LRRTM4: variants seen among roughly 807,000 people sequenced by gnomAD.
The protein encoded by LRRTM4 is leucine rich repeat transmembrane neuronal 4, also known as leucine-rich repeat transmembrane neuronal protein 4.
LRRTM4 carries 25 observed loss-of-function variants against 47.6 expected under a neutral mutation model. The observed-to-expected ratio is 0.53, with a 90% CI of 0.38 to 0.73. The LOEUF (loss-of-function observed/expected upper bound fraction) is 0.73, where lower values mean the gene tolerates loss of function less well. Ranked by LOEUF, LRRTM4 falls within the 30% of genes least tolerant of loss-of-function variation. The pLI, the probability that LRRTM4 is intolerant of heterozygous loss-of-function variation, is 0.00. For synonymous variants in LRRTM4, 311 were observed against 269.5 expected (o/e 1.15, Z -1.51); for missense variants, 638 against 713.4 (o/e 0.89, Z 1.20).
chr2:77,491,224 A>T (rs1678149712), intron 3 of LRRTM4, among the ~76,000 whole-genome samples: 1 of 152,150 alleles, frequency 6.6e-6, no homozygotes, highest in East Asian at 1.9e-4. Flanking sequence ...AACTTTTTAA[A>T]TGATTGCCTG....
chr2:77,129,977 T>C (rs1671753565), intron 3 of LRRTM4, among the ~76,000 whole-genome samples: 2 of 152,338 alleles, frequency 1.3e-5, no homozygotes, highest in African/African-American at 4.8e-5. Context: ...ATTTTTTTCT[T>C]GAGTAACTTT....
At chr2:76,874,510 G>A (rs1482194875) in intron 3 of LRRTM4, among the ~76,000 whole-genome samples, 1 of 151,910 alleles carries the variant, frequency 6.6e-6, no homozygotes, top group African/African-American at 2.4e-5. Flanking sequence ...ATGCTTTAAT[G>A]AAATTATGAG....
At chr2:77,200,860 T>C (rs1673954090) in intron 3 of LRRTM4, among the ~76,000 whole-genome samples, 1 of 152,108 alleles carries the variant, frequency 6.6e-6, no homozygotes, top group Non-Finnish European at 1.5e-5. Flanking sequence ...CTAAGTAATT[T>C]ATGACTTACC....
intron 3 of LRRTM4, among the ~76,000 whole-genome samples, chr2:76,980,998 T>C (rs771292261): frequency 6.6e-6 from 1 of 152,132 alleles, no homozygotes; most frequent in Admixed American, 6.6e-5. Context: ...TTTAATTTCC[T>C]TGGGGCAAAG....
chr2:77,521,637 G>A (rs752371311), intron 2 of LRRTM4, 31 bp downstream of exon 2: 15 of 1,611,984 alleles, frequency 9.3e-6, no homozygotes, highest in Non-Finnish European at 9.3e-6. Context: ...GATCAGCTTT[G>A]CTCAGAAGGA....
At chr2:77,396,881 T>G (rs974218372) in intron 3 of LRRTM4, among the ~76,000 whole-genome samples, 1 of 151,886 alleles carries the variant, frequency 6.6e-6, no homozygotes, top group Non-Finnish European at 1.5e-5. Context: ...ATTTGAAGAG[T>G]GGACATTGCT....
At chr2:76,769,014 C>G (rs779702493) in intron 3 of LRRTM4, among the ~76,000 whole-genome samples, 29 of 152,120 alleles carry the variant, frequency 1.9e-4, no homozygotes, top group Non-Finnish European at 3.5e-4. Context: ...AGATACCAAA[C>G]GAAGCATCTT....
chr2:77,073,276 A>G (rs180818486), intron 3 of LRRTM4, among the ~76,000 whole-genome samples: 63 of 152,264 alleles, frequency 4.1e-4, no homozygotes, highest in Non-Finnish European at 6.5e-4. Context: ...ATATTACTTT[A>G]GAATTCCATT....
At chr2:77,511,076 C>T (rs188793479) in intron 3 of LRRTM4, among the ~76,000 whole-genome samples, 1 of 152,130 alleles carries the variant, frequency 6.6e-6, no homozygotes, top group East Asian at 1.9e-4. Flanking sequence ...GTAAAGAAGA[C>T]AACATACCTT....
intron 3 of LRRTM4, among the ~76,000 whole-genome samples, chr2:77,016,716 T>C (rs1266374935): frequency 6.6e-6 from 1 of 152,280 alleles, no homozygotes; most frequent in South Asian, 2.1e-4. Context: ...AATGGAGGCC[T>C]TGAAGTGTTT....
chr2:77,098,609 CAT>C (rs764465629), intron 3 of LRRTM4, among the ~76,000 whole-genome samples: 3 of 151,874 alleles, frequency 2.0e-5, no homozygotes, highest in Admixed American at 6.6e-5. Flanking sequence ...TTCCATAAGA[CAT>C]AAAGAATACA....
chr2:77,333,707 C>A (rs1216367010), intron 3 of LRRTM4, among the ~76,000 whole-genome samples: 1 of 152,170 alleles, frequency 6.6e-6, no homozygotes, highest in Non-Finnish European at 1.5e-5. Context: ...TCTGCTAGGG[C>A]AGTTCAAAAG....
chr2:77,416,119 T>C (rs1251770507), intron 3 of LRRTM4, among the ~76,000 whole-genome samples: 2 of 152,118 alleles, frequency 1.3e-5, no homozygotes, highest in African/African-American at 4.8e-5. Context: ...ATAAAATATG[T>C]TTTGCACTTT....
At chr2:77,184,781 C>T (rs182646333) in intron 3 of LRRTM4, among the ~76,000 whole-genome samples, 29 of 152,130 alleles carry the variant, frequency 1.9e-4, no homozygotes, top group Admixed American at 8.5e-4. Context: ...TCAGAAAGAA[C>T]GTTCAAATAT....
chr2:77,067,515 C>T (rs1679995176), intron 3 of LRRTM4, among the ~76,000 whole-genome samples: 1 of 151,578 alleles, frequency 6.6e-6, no homozygotes, highest in Non-Finnish European at 1.5e-5. Flanking sequence ...ATACAACTAA[C>T]AAATTTTAAA....
intron 3 of LRRTM4, among the ~76,000 whole-genome samples, chr2:76,936,822 C>G (rs1280035719): frequency 1.3e-5 from 2 of 150,690 alleles, no homozygotes; most frequent in Non-Finnish European, 3.0e-5. Context: ...GGCGTGGTGG[C>G]AGGCAACTGT....
intron 3 of LRRTM4, among the ~76,000 whole-genome samples, chr2:77,046,975 C>T (rs1315387120): frequency 6.6e-6 from 1 of 152,020 alleles, no homozygotes; most frequent in Non-Finnish European, 1.5e-5. Context: ...GCATATTCTG[C>T]TCCTCTCTCG....
chr2:77,511,009 T>C (rs1365003515), intron 3 of LRRTM4, among the ~76,000 whole-genome samples: 1 of 152,086 alleles, frequency 6.6e-6, no homozygotes. Context: ...TTAATGATTA[T>C]GTTTTTCCAC....
At chr2:77,102,575 A>G (rs1335610584) in intron 3 of LRRTM4, among the ~76,000 whole-genome samples, 1 of 152,158 alleles carries the variant, frequency 6.6e-6, no homozygotes, top group East Asian at 1.9e-4. Flanking sequence ...AACTTTTTCA[A>G]TTGATCAAAG....
Sources: allele counts gnomAD v4.1 joint callset (sites outside exome capture counted in the v4.1 genomes callset), GRCh38; gene constraint gnomAD v4.1.1; transcripts MANE v1.5; gene names NCBI Gene and HGNC (gene_info 2026-07-23, HGNC 2026-07-21).